The following FRRS1 variants were observed in gnomAD, a reference collection of about 807,000 sequenced individuals.
FRRS1 encodes the protein ferric reductase 1.
Under a neutral mutation model 70.7 loss-of-function variants are expected in FRRS1, and 51 were observed. The ratio of observed to expected loss-of-function variants is 0.72; its 90% CI spans 0.58 to 0.91. FRRS1 has a LOEUF of 0.91. Among genes scored for constraint, FRRS1 ranks in the 40% least tolerant of loss-of-function variants. The pLI, the probability that FRRS1 is intolerant of heterozygous loss-of-function variation, is 0.00. For synonymous variants in FRRS1, 225 were observed against 238.7 expected (o/e 0.94, Z 0.53); for missense variants, 672 against 726.0 (o/e 0.93, Z 0.86).
chr1:99,760,413 T>C (rs767564724), intron 1 of FRRS1, among the ~76,000 whole-genome samples: 5 of 152,224 alleles, frequency 3.3e-5, no homozygotes, highest in Non-Finnish European at 7.3e-5. Context: ...TTGACTTTGA[T>C]AGCTGAAACT....
chr1:99,739,588 G>A (rs1022573572), intron 6 of FRRS1, among the ~76,000 whole-genome samples: 5 of 152,168 alleles, frequency 3.3e-5, no homozygotes, highest in African/African-American at 9.7e-5. Flanking sequence ...GCATTACTTT[G>A]TCTTCTCTAT....
intron 9 of FRRS1, among the ~76,000 whole-genome samples, chr1:99,725,398 T>G (rs75024293): frequency 6.2e-4 from 95 of 152,348 alleles, no homozygotes; most frequent in African/African-American, 2.2e-3. Flanking sequence ...TGCCTTGCAA[T>G]GTGCATAGCT....
At chr1:99,749,579 A>G (rs1010204168) in intron 1 of FRRS1, among the ~76,000 whole-genome samples, 1 of 152,220 alleles carries the variant, frequency 6.6e-6, no homozygotes, top group African/African-American at 2.4e-5. Context: ...GACTGGGTGG[A>G]TTATTTAATT....
At chr1:99,737,009 T>C (rs1655707755) in intron 7 of FRRS1, among the ~76,000 whole-genome samples, 1 of 148,290 alleles carries the variant, frequency 6.7e-6, no homozygotes, top group African/African-American at 2.6e-5. Context: ...GGTGTTAAGT[T>C]TAAATCCTGA....
rs771097637 is a variant in FRRS1 at position 99,748,788 on chromosome 1, G to A, written c.1-20C>T. 29 of 1,580,654 alleles carry A rather than the reference G, an allele frequency of 1.8e-5. No homozygotes were observed. The highest frequency in any genetic ancestry group is 2.3e-5 in the Non-Finnish European group (27 of 1,154,418). On this transcript the variant is annotated intron_variant, in intron 2 of 16. Transcript: ENST00000646001. ...TGCCATCTCAAAAAGAAGGGTAAAA[G>A]CCCATTATTGTCATATATAATTAAA... is the stretch of plus-strand genomic sequence containing the variant.
intron 9 of FRRS1, among the ~76,000 whole-genome samples, chr1:99,725,790 A>G (rs1379955799): frequency 3.3e-5 from 5 of 152,244 alleles, no homozygotes; most frequent in Non-Finnish European, 7.3e-5. Context: ...TTGCTAACCT[A>G]TGAAGAAACA....
chr1:99,747,462 G>A (rs1019761139), intron 3 of FRRS1, 32 bp from the exon 4 acceptor site: 4 of 1,591,494 alleles, frequency 2.5e-6, no homozygotes, highest in Non-Finnish European at 3.4e-6. Context: ...TGGTTAAAAA[G>A]CTTAGTAATA....
chr1:99,755,672 C>A (rs576908879), intron 1 of FRRS1, among the ~76,000 whole-genome samples: 1 of 152,330 alleles, frequency 6.6e-6, no homozygotes, highest in East Asian at 1.9e-4. Flanking sequence ...TCAACCAAGT[C>A]ACTAAATCTG....
chr1:99,764,501 C>T (rs568220412), intron 1 of FRRS1, among the ~76,000 whole-genome samples: 41 of 152,180 alleles, frequency 2.7e-4, no homozygotes, highest in African/African-American at 9.4e-4. Context: ...TTTCTATTTT[C>T]AAACATTCTA....
In FRRS1 at chr1:99,719,581, G is replaced by T; in HGVS notation, c.1073C>A (p.Pro358Gln). Residue 358 changes from proline to glutamine, a missense_variant, in exon 10 of 17, where the codon CCA becomes CAA. Coordinates refer to ENST00000646001, the MANE Select transcript of FRRS1 (RefSeq NM_001361041.2). ...AGAATGGGATCCTCCTATGTTCTTT[G>T]GAGAGTCTGTCACATCATATTTTTC... Reference protein sequence around the residue: ...TYEKYDVTDSPKNIGGSHSVL... With the variant: ...TYEKYDVTDSQKNIGGSHSVL... 1 of 1,611,258 alleles carries T rather than the reference G, an allele frequency of 6.2e-7. No homozygotes were observed. The highest frequency in any genetic ancestry group is 8.5e-7 in the Non-Finnish European group (1 of 1,177,576).
intron 1 of FRRS1, among the ~76,000 whole-genome samples, chr1:99,764,057 A>G (rs1657240616): frequency 6.6e-6 from 1 of 152,222 alleles, no homozygotes; most frequent in South Asian, 2.1e-4. Context: ...TAAACAGATA[A>G]CAAATACATC....
intron 9 of FRRS1, among the ~76,000 whole-genome samples, chr1:99,727,676 C>A (rs1315277420): frequency 1.3e-5 from 2 of 152,200 alleles, no homozygotes; most frequent in Non-Finnish European, 2.9e-5. Context: ...TAGACATCTA[C>A]CTTCTCGCCA....
rs1410906471 is a variant in FRRS1 at position 99,740,841 on chromosome 1, T to C, written c.528A>G (p.Thr176=). Residue 176 remains threonine (T), a synonymous_variant, in exon 6 of 17, where the codon ACA becomes ACG. Transcript: ENST00000646001. ...GAGGTAACGTTGGCAAAGGTACTAC[T>C]GTAGCTTTAGGTGTTGTAAAAGGAA... ...NAFPFTTPKA[T]VVPLPTLPPV... The C allele has an allele frequency of 6.2e-7, 1 of 1,610,972 alleles. No homozygotes were observed. Among genetic ancestry groups the C allele is most frequent in the Admixed American group, 1.7e-5 (1 of 59,988 alleles).
chr1:99,715,158 G>A (rs1426666088), intron 12 of FRRS1, among the ~76,000 whole-genome samples: 1 of 152,094 alleles, frequency 6.6e-6, no homozygotes, highest in East Asian at 1.9e-4. Flanking sequence ...CACCCAGCCT[G>A]AGATTTAAAT....
chr1:99,727,683 G>A (rs941180311), intron 9 of FRRS1, among the ~76,000 whole-genome samples: 4 of 151,962 alleles, frequency 2.6e-5, no homozygotes, highest in Admixed American at 6.5e-5. Flanking sequence ...CTACCTTCTC[G>A]CCATTTTCAA....
At position 99,706,223 on chromosome 1, in the gene FRRS1, C is replaced by CAAA. The variant is rs564004968; in HGVS notation, c.*2804_*2805insTTT. Among the ~76,000 whole-genome samples the CAAA allele has an allele frequency of 0.018, 2,620 of 147,928 alleles. 38 individuals are homozygous for CAAA. Among genetic ancestry groups the CAAA allele is most frequent in the Middle Eastern group, 0.076 (22 of 290 alleles). On this transcript the variant is annotated 3_prime_UTR_variant, in exon 17 of 17. Coordinates refer to ENST00000646001, the MANE Select transcript of FRRS1 (RefSeq NM_001361041.2). ...GCAACAAAGGGAGATCCCTTCTCTA[C>CAAA]CAAAAAAAAAAAAAAATTTTTTTTT...
At chr1:99,753,879 T>C (rs10875253) in intron 1 of FRRS1, among the ~76,000 whole-genome samples, 69,169 of 152,076 alleles carry the variant, frequency 0.45, 18,012 homozygotes, top group African/African-American at 0.71. Flanking sequence ...GACCCTATTA[T>C]GTGTTTTCTA....
rs558168842 is a variant in FRRS1 at position 99,763,783 on chromosome 1, G to A, written c.-106+2824C>T. Among the ~76,000 whole-genome samples, 62 of 150,988 alleles carry A rather than the reference G, an allele frequency of 4.1e-4. No individual in the cohort carries two copies. The South Asian group carries it at 0.012, about 30-fold the overall frequency. Reference sequence around the variant, plus strand: ...CTCGGGAGGCTGAGGCAGAAGAATCGCTTGAACCCTGGAGGCAGAGGTTGA... The same window carrying A: ...CTCGGGAGGCTGAGGCAGAAGAATCACTTGAACCCTGGAGGCAGAGGTTGA... On this transcript the variant is annotated intron_variant, in intron 1 of 16. Transcript: ENST00000646001.
Position 99,705,688 on chromosome 1 carries a change from T to C in FRRS1, c.*3340A>G, listed in dbSNP as rs1265142002. On this transcript the variant is annotated 3_prime_UTR_variant, in exon 17 of 17. Coordinates refer to ENST00000646001, the MANE Select transcript of FRRS1 (RefSeq NM_001361041.2). Reference sequence around the variant, plus strand: ...AGTACTAAAGTGAATTTGATTCATTTACTTGATAACCCATACTATAGACTA... The same window carrying C: ...AGTACTAAAGTGAATTTGATTCATTCACTTGATAACCCATACTATAGACTA... 6.6e-6 allele frequency among the ~76,000 whole-genome samples: 1 copy of C among 152,206 alleles called. No individual in the cohort carries two copies. Among genetic ancestry groups the C allele is most frequent in the Non-Finnish European group, 1.5e-5 (1 of 68,034 alleles).
Sources: allele counts gnomAD v4.1 joint callset (sites outside exome capture counted in the v4.1 genomes callset), GRCh38; gene constraint gnomAD v4.1.1; transcripts MANE v1.5; gene names NCBI Gene and HGNC (gene_info 2026-07-23, HGNC 2026-07-21).